The following ARIH1 variants were observed in gnomAD, a reference collection of about 807,000 sequenced individuals.
ARIH1 encodes E3 ubiquitin-protein ligase ARIH1.
ARIH1 carries 8 observed loss-of-function variants against 85.0 expected under a neutral mutation model. That is an observed-to-expected ratio of 0.09 (90% CI 0.06 to 0.17). The LOEUF (loss-of-function observed/expected upper bound fraction) is 0.17. Ranked by LOEUF, ARIH1 falls within the 10% of genes least tolerant of loss-of-function variation. The pLI is 1.00. For missense variants in ARIH1, 311 were observed against 718.1 expected, an observed-to-expected ratio of 0.43 and a Z score of 6.48; for synonymous variants, 238 against 253.6, an observed-to-expected ratio of 0.94 and a Z score of 0.59.
At chr15:72,561,404 C>A in intron 5 of ARIH1, 79 bp from the exon 6 acceptor site, 1 of 1,063,844 alleles carries the variant, frequency 9.4e-7, no homozygotes, top group Non-Finnish European at 1.4e-6. Flanking sequence ...GCATAAACAG[C>A]TTTTGAAACT....
At chr15:72,514,644 C>T (rs1429590634) in intron 1 of ARIH1, among the ~76,000 whole-genome samples, 1 of 151,646 alleles carries the variant, frequency 6.6e-6, no homozygotes, top group Admixed American at 6.6e-5. Flanking sequence ...GTTGAGGCTG[C>T]AGCAAGCTGA....
Position 72,474,803 on chromosome 15 carries a change from G to T in ARIH1, c.164G>T (p.Gly55Val). Residue 55 changes from glycine (G) to valine (V), a missense_variant, in exon 1 of 14, where the codon GGC becomes GTC. Gly to Val is a moderately radical substitution (Grantham distance 109). Around this residue, in one of 3 missense-constraint regions of ARIH1, gnomAD observed 157 missense variants for 185.1 expected, o/e 0.85. Transcript: ENST00000379887. ...CTGGTGGAGCCCGGGCTGGGCGTCG[G>T]CGGGGAGCGGGACGGACTGCTGTGC... is the stretch of plus-strand genomic sequence containing the variant. ...VELVEPGLGV[G>V]GERDGLLCGE... is the part of the protein sequence containing the mutation. 6.7e-7 allele frequency: 1 copy of T among 1,494,446 alleles called. No homozygotes were observed. 92.6% of individuals were successfully genotyped at this position (1,494,446 alleles called of 1,614,324 possible).
rs370544050 is a variant in ARIH1, at chr15:72,566,053, C to G, written c.912-510C>G. On this transcript the variant is annotated intron_variant, in intron 7 of 13. Coordinates refer to ENST00000379887, the MANE Select transcript of ARIH1 (RefSeq NM_005744.5). ...AACACATGTTTAGTGAGTATTTAGT[C>G]TTTTTGTTTTATACCTTGCCCAGTA... is the stretch of plus-strand genomic sequence containing the variant. 3.9e-5 allele frequency among the ~76,000 whole-genome samples: 6 copies of G among 152,190 alleles called. No homozygotes were observed. In the East Asian group the frequency reaches 9.6e-4, roughly 24 times the overall value.
At position 72,586,038 on chromosome 15, in the gene ARIH1, T is replaced by C. The variant is rs1210458109; in HGVS notation, c.*2746T>C. 1 of 152,188 alleles carries C rather than the reference T, an allele frequency of 6.6e-6. No homozygotes were observed. Among genetic ancestry groups the C allele is most frequent in the Admixed American group, 6.6e-5 (1 of 15,264 alleles). The allele number at this position is 152,188 out of a possible 1,614,324, so 9.4% of individuals were successfully genotyped here. On this transcript the variant is annotated 3_prime_UTR_variant, in exon 14 of 14. Coordinates refer to ENST00000379887, the MANE Select transcript of ARIH1 (RefSeq NM_005744.5). ...CAGATGGACTTTCAGTGATTTAAAA[T>C]AAAATTTTGATCCAAAGCTCAGGAC...
intron 9 of ARIH1, among the ~76,000 whole-genome samples, chr15:72,569,137 C>T (rs984566824): frequency 1.3e-5 from 2 of 151,964 alleles, no homozygotes; most frequent in Non-Finnish European, 2.9e-5. Flanking sequence ...GGTGAAACCC[C>T]ACCTCAACAA....
chr15:72,490,538 C>T (rs12912445), intron 1 of ARIH1, among the ~76,000 whole-genome samples: 103,472 of 151,978 alleles, frequency 0.68, 41,456 homozygotes, highest in South Asian at 0.88. Context: ...TTGTTATTGT[C>T]TGACTCCACT....
chr15:72,551,637 A>T (rs1443064459), intron 3 of ARIH1, among the ~76,000 whole-genome samples: 1 of 152,204 alleles, frequency 6.6e-6, no homozygotes, highest in Non-Finnish European at 1.5e-5. Flanking sequence ...ATGAATTCAC[A>T]AGCGGTAAAT....
At position 72,597,504 on chromosome 15, in the gene ARIH1, G is replaced by A. The variant is rs1012893734; in HGVS notation, c.*14212G>A. The A allele has an allele frequency of 2.6e-5, 4 of 151,970 alleles. No homozygotes were observed. Among genetic ancestry groups the A allele is most frequent in the Admixed American group, 2.0e-4 (3 of 15,254 alleles). 9.4% of individuals were successfully genotyped at this position (151,970 alleles called of 1,614,324 possible). A position where few individuals can be genotyped will look rare whatever the true frequency, so the allele number is the denominator to read the frequency against. On this transcript the variant is annotated 3_prime_UTR_variant, in exon 14 of 14. Coordinates refer to ENST00000379887, the MANE Select transcript of ARIH1 (RefSeq NM_005744.5). ...CTCATGTGTGCCCTGCCCTTTTGTA[G>A]AGGAATGCCCACAATGCCTAGGGGA...
chr15:72,506,980 TTATGTATGTATGTATGTATGTATG>T (rs72006883), intron 1 of ARIH1, among the ~76,000 whole-genome samples: 6,040 of 150,096 alleles, frequency 0.04, 157 homozygotes, highest in East Asian at 0.085. Context: ...GTGATTATTT[TTATGTATGTATGTATGTATGTATG>T]TATGTATGTA....
At chr15:72,529,153 T>C (rs2064044048) in intron 2 of ARIH1, among the ~76,000 whole-genome samples, 1 of 151,122 alleles carries the variant, frequency 6.6e-6, no homozygotes, top group Admixed American at 6.6e-5. Context: ...TGAGCCGAGA[T>C]CCACCACTGC....
At chr15:72,484,633 ATATATATATATATGTG>A in intron 1 of ARIH1, among the ~76,000 whole-genome samples, 1 of 148,714 alleles carries the variant, frequency 6.7e-6, no homozygotes, top group South Asian at 2.2e-4. Flanking sequence ...ATTCCATCAT[ATATATATATATATGTG>A]TATATATATA....
In ARIH1 at chr15:72,509,899, CT is replaced by C. The variant is rs760955928; in HGVS notation, c.376-8153del. Reference sequence around the variant, plus strand: ...CACCAATCGCCCACTCCAGCCCCACCTTTTTTTTTTTTTTTCCCCAAAGAGA... The same window carrying C: ...CACCAATCGCCCACTCCAGCCCCACCTTTTTTTTTTTTTTCCCCAAAGAGA... On this transcript the variant is annotated intron_variant, in intron 1 of 13. Transcript: ENST00000379887. Among the ~76,000 whole-genome samples the C allele has an allele frequency of 4.1e-3, 581 of 143,222 alleles. 1 individual carries two copies. Among genetic ancestry groups the C allele is most frequent in the South Asian group, 0.019 (84 of 4,506 alleles). 94.0% of individuals were successfully genotyped at this position (143,222 alleles called of 152,430 possible). A position where few individuals can be genotyped will look rare whatever the true frequency, so the allele number is the denominator to read the frequency against.
At chr15:72,570,329 A>T in intron 10 of ARIH1, 22 bp downstream of exon 10, 2 of 1,613,430 alleles carry the variant, frequency 1.2e-6, no homozygotes, top group South Asian at 2.2e-5. Flanking sequence ...AAATTAAGGG[A>T]AGAATGTGTT....
intron 2 of ARIH1, among the ~76,000 whole-genome samples, chr15:72,524,115 T>A (rs192910049): frequency 6.7e-6 from 1 of 149,882 alleles, no homozygotes; most frequent in Non-Finnish European, 1.5e-5. Flanking sequence ...CCTGGCGAAT[T>A]TTTTTGTATT....
chr15:72,553,144 A>G (rs563551953), intron 3 of ARIH1, among the ~76,000 whole-genome samples: 3 of 152,076 alleles, frequency 2.0e-5, no homozygotes, highest in Middle Eastern at 3.4e-3. Flanking sequence ...AGTAATGTCT[A>G]TTTAACTTAC....
chr15:72,487,765 A>G (rs1368635892), intron 1 of ARIH1, among the ~76,000 whole-genome samples: 2 of 152,116 alleles, frequency 1.3e-5, no homozygotes, highest in African/African-American at 2.4e-5. Context: ...CTTCCAGTGT[A>G]TCATTCTGTT....
chr15:72,580,669 T>TCAAATTA, intron 11 of ARIH1, 62 bp from the exon 12 acceptor site: 17 of 1,452,380 alleles, frequency 1.2e-5, no homozygotes, highest in Non-Finnish European at 1.6e-5. Context: ...AATTTGATAA[T>TCAAATTA]CAGCTTTTAT....
intron 2 of ARIH1, among the ~76,000 whole-genome samples, chr15:72,530,490 A>G (rs1212840491): frequency 6.6e-6 from 1 of 152,244 alleles, no homozygotes; most frequent in African/African-American, 2.4e-5. Flanking sequence ...TGGGTAGTCC[A>G]GAAAACCTTA....
chr15:72,543,068 G>A (rs552446583), intron 2 of ARIH1, among the ~76,000 whole-genome samples: 2 of 151,876 alleles, frequency 1.3e-5, no homozygotes, highest in East Asian at 1.9e-4. Flanking sequence ...GAGTAGCTGG[G>A]ATTAGAGGCA....
Sources: allele counts gnomAD v4.1 joint callset (sites outside exome capture counted in the v4.1 genomes callset), GRCh38; gene constraint gnomAD v4.1.1; regional missense constraint gnomAD v4.1.1; transcripts MANE v1.5; gene names NCBI Gene and HGNC (gene_info 2026-07-23, HGNC 2026-07-21).